CTCF: variants seen among roughly 807,000 people sequenced by gnomAD.
The protein encoded by CTCF is transcriptional repressor CTCF.
In CTCF, 7 loss-of-function variants were observed where a neutral mutation model predicts 72.3. The ratio of observed to expected loss-of-function variants is 0.10; its 90% CI spans 0.06 to 0.18. The LOEUF (loss-of-function observed/expected upper bound fraction) is 0.18, where lower values mean the gene tolerates loss of function less well. CTCF is among the 10% of genes least tolerant of loss of function. CTCF has a pLI of 1.00. For synonymous variants in CTCF, 374 were observed against 315.8 expected (o/e 1.18, Z -1.95); for missense variants, 516 against 949.1 (o/e 0.54, Z 6.00).
chr16:67,626,772 G>A (rs1257899621), intron 8 of CTCF, 57 bp downstream of exon 8: 2 of 1,284,050 alleles, frequency 1.6e-6, no homozygotes, highest in South Asian at 2.3e-5. Context: ...GTTATCAGAG[G>A]GCATTTACAT....
chr16:67,573,904 G>C (rs889800996), intron 2 of CTCF, among the ~76,000 whole-genome samples: 1 of 152,008 alleles, frequency 6.6e-6, no homozygotes, highest in Non-Finnish European at 1.5e-5. Flanking sequence ...TGTGGTGCGT[G>C]CCTGTAGTTC....
At chr16:67,626,256 G>A (rs1236151472) in intron 7 of CTCF, among the ~76,000 whole-genome samples, 1 of 151,818 alleles carries the variant, frequency 6.6e-6, no homozygotes, top group African/African-American at 2.4e-5. Flanking sequence ...TGGCTAACAT[G>A]ATGAAACCCT....
intron 2 of CTCF, among the ~76,000 whole-genome samples, chr16:67,604,145 A>G (rs1439710862): frequency 2.7e-5 from 4 of 150,168 alleles, no homozygotes; most frequent in African/African-American, 9.8e-5. Context: ...AAAAAAAAAA[A>G]GAAAAGAAAA....
intron 11 of CTCF, 121 bp from the exon 12 acceptor site, chr16:67,637,567 A>T: frequency 1.3e-6 from 1 of 744,468 alleles, no homozygotes; most frequent in Non-Finnish European, 2.2e-6. Context: ...CTGTCTCTGG[A>T]CCGCTATCTA....
chr16:67,602,688 A>G (rs745823856), intron 2 of CTCF, among the ~76,000 whole-genome samples: 2 of 151,984 alleles, frequency 1.3e-5, no homozygotes, highest in Non-Finnish European at 2.9e-5. Context: ...CTAAAAATAT[A>G]AAATTAGCCA....
chr16:67,626,217 A>G (rs1025124096), intron 7 of CTCF, among the ~76,000 whole-genome samples: 2 of 151,988 alleles, frequency 1.3e-5, no homozygotes, highest in Admixed American at 6.6e-5. Context: ...AGGCGGGCAG[A>G]TCACGAGGTC....
intron 2 of CTCF, among the ~76,000 whole-genome samples, chr16:67,602,977 G>C (rs1030248221): frequency 1.3e-5 from 2 of 152,132 alleles, no homozygotes; most frequent in Non-Finnish European, 2.9e-5. Flanking sequence ...CAGTGCTGCT[G>C]GTCCTCAGAC....
intron 4 of CTCF, chr16:67,614,356 A>G (rs2052102514): frequency 6.5e-6 from 1 of 153,206 alleles, no homozygotes. Flanking sequence ...CAAAAAAAAA[A>G]AAAAAAAAAA....
intron 2 of CTCF, among the ~76,000 whole-genome samples, chr16:67,573,426 T>C (rs1206619420): frequency 2.5e-4 from 38 of 151,834 alleles, no homozygotes; most frequent in Non-Finnish European, 2.9e-5. Context: ...AGCAAGACCG[T>C]CTCAAAAAAT....
chr16:67,600,434 T>C (rs1327069587), intron 2 of CTCF, among the ~76,000 whole-genome samples: 2 of 152,064 alleles, frequency 1.3e-5, no homozygotes, highest in South Asian at 2.1e-4. Context: ...TTCACCATGT[T>C]GCCCAAGCTG....
Position 67,585,340 on chromosome 16 carries a change from G to A in CTCF, c.-10+14076G>A, listed in dbSNP as rs560244692. ...GCTGGGATTACAGGCGTGAGCCACC[G>A]TGCCCGTCTTACACATGTCTTCAGT... On this transcript the variant is annotated intron_variant, in intron 2 of 11. Transcript: ENST00000264010. Among the ~76,000 whole-genome samples the A allele has an allele frequency of 2.6e-5, 4 of 152,268 alleles. No individual in the cohort carries two copies. The South Asian group carries it at 8.3e-4, about 32-fold the overall frequency.
At chr16:67,586,241 A>C (rs1393957155) in intron 2 of CTCF, among the ~76,000 whole-genome samples, 1 of 152,072 alleles carries the variant, frequency 6.6e-6, no homozygotes, top group Non-Finnish European at 1.5e-5. Flanking sequence ...TTCTACCAAA[A>C]ATACAAAAAA....
intron 2 of CTCF, among the ~76,000 whole-genome samples, chr16:67,608,148 C>T (rs1597710616): frequency 6.6e-6 from 1 of 151,536 alleles, no homozygotes; most frequent in African/African-American, 2.4e-5. Flanking sequence ...CATGGTGAAA[C>T]CCCGTCTCTA....
chr16:67,582,736 C>T (rs1327646632), intron 2 of CTCF, among the ~76,000 whole-genome samples: 1 of 151,786 alleles, frequency 6.6e-6, no homozygotes, highest in Non-Finnish European at 1.5e-5. Flanking sequence ...CTCTGAGAGC[C>T]AAGTTTATTG....
At chr16:67,589,152 G>A (rs959709940) in intron 2 of CTCF, among the ~76,000 whole-genome samples, 2 of 152,024 alleles carry the variant, frequency 1.3e-5, no homozygotes, top group African/African-American at 2.4e-5. Context: ...TAAAATAGTA[G>A]GGTGCAGTGG....
At chr16:67,589,566 A>G (rs944820276) in intron 2 of CTCF, among the ~76,000 whole-genome samples, 2 of 152,168 alleles carry the variant, frequency 1.3e-5, no homozygotes, top group Non-Finnish European at 2.9e-5. Context: ...CCGTTGTTAC[A>G]GTACTCATCA....
intron 2 of CTCF, among the ~76,000 whole-genome samples, chr16:67,580,617 A>G (rs2051565727): frequency 6.6e-6 from 1 of 151,732 alleles, no homozygotes; most frequent in Non-Finnish European, 1.5e-5. Context: ...GCTGGAGTGC[A>G]GTGGCTCAAT....
intron 2 of CTCF, among the ~76,000 whole-genome samples, chr16:67,577,770 C>T (rs1014842661): frequency 5.3e-5 from 8 of 152,078 alleles, no homozygotes; most frequent in African/African-American, 1.4e-4. Flanking sequence ...TGAGTGGAAT[C>T]GAGAGGGCCA....
chr16:67,584,895 G>T lies in CTCF; in HGVS notation c.-10+13631G>T, dbSNP rs150703154. 1.1e-3 allele frequency among the ~76,000 whole-genome samples: 170 copies of T among 152,174 alleles called. 1 individual carries two copies. Among genetic ancestry groups the T allele is most frequent in the Non-Finnish European group, 2.1e-3 (145 of 68,016 alleles). Reference sequence around the variant, plus strand: ...GTCTTTGGGTTTCCCAGAATTTCCTGCTGCATTTGATTCTGTAGCTAATTA... The same window carrying T: ...GTCTTTGGGTTTCCCAGAATTTCCTTCTGCATTTGATTCTGTAGCTAATTA... On this transcript the variant is annotated intron_variant, in intron 2 of 11. Transcript: ENST00000264010.
Sources: allele counts gnomAD v4.1 joint callset (sites outside exome capture counted in the v4.1 genomes callset), GRCh38; gene constraint gnomAD v4.1.1; transcripts MANE v1.5; gene names NCBI Gene and HGNC (gene_info 2026-07-23, HGNC 2026-07-21).